SNX29: variants seen among roughly 807,000 people sequenced by gnomAD.
SNX29 encodes sorting nexin 29.
In SNX29, 78 loss-of-function variants were observed where a neutral mutation model predicts 102.1. That is an observed-to-expected ratio of 0.76 (90% confidence interval 0.64 to 0.92). SNX29 has a LOEUF of 0.92. Among genes scored for constraint, SNX29 ranks in the 40% least tolerant of loss-of-function variants. The pLI, the probability that SNX29 is intolerant of heterozygous loss-of-function variation, is 0.00. For missense variants in SNX29, 1,280 were observed against 1,061.7 expected, an observed-to-expected ratio of 1.21 and a Z score of -2.86; for synonymous variants, 580 against 414.5, an observed-to-expected ratio of 1.40 and a Z score of -4.85.
chr16:12,513,381 C>G (rs1181340096), intron 19 of SNX29, among the ~76,000 whole-genome samples: 6 of 151,630 alleles, frequency 4.0e-5, no homozygotes, highest in African/African-American at 1.5e-4. Flanking sequence ...CTGCCCTGCC[C>G]TGCTCTCCCT....
intron 15 of SNX29, among the ~76,000 whole-genome samples, chr16:12,291,699 A>G (rs577574028): frequency 6.6e-6 from 1 of 152,296 alleles, no homozygotes; most frequent in East Asian, 1.9e-4. Context: ...TTTTCAGCTG[A>G]TCACAGGATC....
chr16:12,568,846 A>G lies in SNX29; in HGVS notation c.*217A>G, dbSNP rs2079122384. The G allele has an allele frequency of 4.4e-6, 3 of 688,024 alleles. No individual in the cohort carries two copies. Among genetic ancestry groups the G allele is most frequent in the East Asian group, 2.9e-5 (1 of 34,560 alleles). The allele number at this position is 688,024 out of a possible 1,614,324, so 42.6% of individuals were successfully genotyped here. On this transcript the variant is annotated 3_prime_UTR_variant, in exon 21 of 21. Coordinates refer to ENST00000566228, the MANE Select transcript of SNX29 (RefSeq NM_032167.5). ...AGAGACCAAGGCAGCACCTCGCTGG[A>G]GAGACTGGGACACACAGTCCTTCTG...
intron 8 of SNX29, among the ~76,000 whole-genome samples, chr16:12,058,330 G>A (rs1057503644): frequency 1.1e-4 from 16 of 151,968 alleles, no homozygotes; most frequent in African/African-American, 3.1e-4. Flanking sequence ...TTCAAATAAC[G>A]TGTGTTAATT....
intron 20 of SNX29, among the ~76,000 whole-genome samples, chr16:12,544,027 G>T (rs150708936): frequency 1.3e-5 from 2 of 152,222 alleles, no homozygotes; most frequent in East Asian, 1.9e-4. Context: ...TCTAGACCCC[G>T]TTGACTCATC....
chr16:12,532,104 A>C (rs925095596), intron 20 of SNX29, among the ~76,000 whole-genome samples: 1 of 152,238 alleles, frequency 6.6e-6, no homozygotes, highest in Non-Finnish European at 1.5e-5. Context: ...AGACGTGGTC[A>C]CGATCTCATT....
intron 20 of SNX29, among the ~76,000 whole-genome samples, chr16:12,552,486 C>G (rs1056209577): frequency 5.9e-5 from 9 of 152,176 alleles, no homozygotes; most frequent in African/African-American, 2.2e-4. Flanking sequence ...GATTGGGCCT[C>G]AGGAATCTTG....
chr16:12,006,214 A>T (rs1226717585), intron 3 of SNX29, among the ~76,000 whole-genome samples: 1 of 148,732 alleles, frequency 6.7e-6, no homozygotes, highest in African/African-American at 2.5e-5. Context: ...TAAAATAATA[A>T]TAATAATAAT....
intron 20 of SNX29, among the ~76,000 whole-genome samples, chr16:12,538,747 A>G (rs962617908): frequency 2.0e-5 from 3 of 151,984 alleles, no homozygotes; most frequent in Non-Finnish European, 2.9e-5. Flanking sequence ...GCACACCCAT[A>G]TGGGTATCAT....
intron 15 of SNX29, among the ~76,000 whole-genome samples, chr16:12,338,478 GC>G (rs2081518820): frequency 1.3e-5 from 2 of 152,286 alleles, no homozygotes; most frequent in East Asian, 3.9e-4. Context: ...CGTGCATCAG[GC>G]GTTGTGCACA....
intron 13 of SNX29, among the ~76,000 whole-genome samples, chr16:12,181,964 A>C (rs1257564286): frequency 6.6e-6 from 1 of 151,666 alleles, no homozygotes; most frequent in East Asian, 1.9e-4. Context: ...GCTCAATGCA[A>C]CCTGTGCCTC....
At chr16:12,416,292 C>A (rs6498296) in intron 18 of SNX29, among the ~76,000 whole-genome samples, 4 of 151,974 alleles carry the variant, frequency 2.6e-5, no homozygotes, top group East Asian at 1.9e-4. Context: ...GGGGCACCGC[C>A]CAGTCACTCA....
At chr16:12,003,879 C>T (rs890151994) in intron 3 of SNX29, among the ~76,000 whole-genome samples, 1 of 151,028 alleles carries the variant, frequency 6.6e-6, no homozygotes, top group Admixed American at 6.6e-5. Flanking sequence ...TGGTGGTGCA[C>T]ACCTGTAGTC....
chr16:12,550,161 A>G (rs533958860), intron 20 of SNX29, among the ~76,000 whole-genome samples: 1 of 152,328 alleles, frequency 6.6e-6, no homozygotes, highest in East Asian at 1.9e-4. Context: ...GCATGTAGTG[A>G]TATGGAAAAA....
chr16:12,236,068 G>A (rs989771173), intron 14 of SNX29, among the ~76,000 whole-genome samples: 1 of 152,026 alleles, frequency 6.6e-6, no homozygotes, highest in African/African-American at 2.4e-5. Context: ...GCTGCTCCTG[G>A]TTGCATAGAT....
At chr16:12,071,316 G>C (rs2051290117) in intron 10 of SNX29, among the ~76,000 whole-genome samples, 1 of 152,106 alleles carries the variant, frequency 6.6e-6, no homozygotes, top group Non-Finnish European at 1.5e-5. Flanking sequence ...TAACATGTAA[G>C]TCTTTAATCC....
rs755144807 is a variant in SNX29, at chr16:12,571,648, G to A, written c.*3019G>A. 2.5e-5 allele frequency: 26 copies of A among 1,058,692 alleles called. No homozygotes were observed. The highest frequency in any genetic ancestry group is 1.0e-4 in the East Asian group (2 of 19,344). The allele number at this position is 1,058,692 out of a possible 1,614,324, so 65.6% of individuals were successfully genotyped here. On this transcript the variant is annotated 3_prime_UTR_variant, in exon 21 of 21. Transcript: ENST00000566228. ...TTTTTTTCTCCCCCAGATGAAAGAC[G>A]ACTCAGGAACGGTAGGGCTGGGCAG...
intron 3 of SNX29, among the ~76,000 whole-genome samples, chr16:12,017,998 C>T (rs1015204463): frequency 2.0e-5 from 3 of 152,040 alleles, no homozygotes; most frequent in South Asian, 2.1e-4. Context: ...CCCAGCATCC[C>T]GGGTTCAAGT....
intron 16 of SNX29, among the ~76,000 whole-genome samples, chr16:12,370,316 T>C (rs904874906): frequency 1.8e-4 from 28 of 151,390 alleles, no homozygotes; most frequent in African/African-American, 6.6e-4. Context: ...ATCCCAGCAT[T>C]TGGGAGGCCA....
At chr16:12,567,001 C>T (rs368829894) in intron 20 of SNX29, among the ~76,000 whole-genome samples, 13 of 152,198 alleles carry the variant, frequency 8.5e-5, no homozygotes, top group South Asian at 4.1e-4. Context: ...AAAGGTGCAA[C>T]GCAAAGTAGA....
Sources: allele counts gnomAD v4.1 joint callset (sites outside exome capture counted in the v4.1 genomes callset), GRCh38; gene constraint gnomAD v4.1.1; transcripts MANE v1.5; gene names NCBI Gene and HGNC (gene_info 2026-07-23, HGNC 2026-07-21).